Variants in PYGL observed in about 807,000 individuals in gnomAD.
PYGL encodes the protein glycogen phosphorylase L, also known as glycogen phosphorylase, liver form.
A neutral mutation model predicts 100.1 loss-of-function variants in PYGL; 90 were observed. That is an observed-to-expected ratio of 0.90 (90% confidence interval 0.76 to 1.07). The LOEUF (loss-of-function observed/expected upper bound fraction) is 1.07. Ranked by LOEUF, PYGL falls within the 50% of genes least tolerant of loss-of-function variation. The pLI is 0.00. For missense variants in PYGL, 1,016 were observed against 1,057.6 expected (o/e 0.96, Z 0.55); for synonymous variants, 373 against 393.0 (o/e 0.95, Z 0.60).
intron 4 of PYGL, among the ~76,000 whole-genome samples, chr14:50,924,487 C>A (rs1350584691): frequency 6.6e-6 from 1 of 152,144 alleles, no homozygotes; most frequent in Non-Finnish European, 1.5e-5. Context: ...AGACAGACGC[C>A]TTACAGGGAT....
At chr14:50,934,978 A>G (rs961649196) in intron 3 of PYGL, 129 bp downstream of exon 3, 12 of 827,562 alleles carry the variant, frequency 1.5e-5, no homozygotes, top group Non-Finnish European at 2.0e-5. Context: ...GAACAAATAC[A>G]TCTACAACCA....
chr14:50,933,735 A>G (rs142552882), intron 3 of PYGL, among the ~76,000 whole-genome samples: 4 of 152,198 alleles, frequency 2.6e-5, no homozygotes, highest in African/African-American at 9.6e-5. Flanking sequence ...ACATATTCAC[A>G]TTATATACAT....
intron 2 of PYGL, among the ~76,000 whole-genome samples, chr14:50,937,071 T>G (rs1406343832): frequency 6.6e-6 from 1 of 152,212 alleles, no homozygotes; most frequent in Non-Finnish European, 1.5e-5. Flanking sequence ...ATGAAAAGTT[T>G]GAACAGTCTC....
Position 50,937,835 on chromosome 14 carries a change from C to T in PYGL, c.246G>A (p.Arg82=). The part of the protein sequence containing the change: ...QQHYYDKCPK[R]VYYLSLEFYM... ...AAAATTCCAGAGAGAGGTAATATAC[C>T]CTCTGAAATAAAGAAAAGAGAGATA... Residue 82 remains arginine (R), a splice_region_variant and synonymous_variant, in exon 2 of 20, where the codon AGG becomes AGA. Coordinates refer to ENST00000216392, the MANE Select transcript of PYGL (RefSeq NM_002863.5). The T allele has an allele frequency of 6.2e-7, 1 of 1,605,672 alleles. No homozygotes were observed. Among genetic ancestry groups the T allele is most frequent in the Non-Finnish European group, 8.5e-7 (1 of 1,172,452 alleles).
chr14:50,926,752 A>G (rs868759872), intron 4 of PYGL, among the ~76,000 whole-genome samples: 17 of 145,004 alleles, frequency 1.2e-4, no homozygotes, highest in South Asian at 4.4e-4. Context: ...AAAAAAAAAA[A>G]AGAAAAAGTC....
intron 3 of PYGL, 63 bp downstream of exon 3, chr14:50,935,044 T>G: frequency 6.9e-7 from 1 of 1,446,634 alleles, no homozygotes; most frequent in South Asian, 1.1e-5. Context: ...AGCATGGTCA[T>G]GCATGGCATC....
intron 19 of PYGL, 68 bp downstream of exon 19, chr14:50,908,203 T>TA (rs2050352985): frequency 1.1e-5 from 15 of 1,351,568 alleles, no homozygotes; most frequent in Non-Finnish European, 1.6e-5. Flanking sequence ...TGCATTTAAT[T>TA]AAAAAACCCA....
chr14:50,939,638 C>T (rs1370472912), intron 1 of PYGL, among the ~76,000 whole-genome samples: 1 of 151,164 alleles, frequency 6.6e-6, no homozygotes, highest in Non-Finnish European at 1.5e-5. Flanking sequence ...ATATCTTATT[C>T]TCCAATCATC....
chr14:50,930,954 C>G (rs1487289044), intron 4 of PYGL, among the ~76,000 whole-genome samples: 1 of 152,056 alleles, frequency 6.6e-6, no homozygotes, highest in African/African-American at 2.4e-5. Flanking sequence ...ACCTAACAAT[C>G]TGGTTTGATT....
intron 4 of PYGL, among the ~76,000 whole-genome samples, chr14:50,931,019 A>G (rs1316959778): frequency 1.3e-5 from 2 of 152,336 alleles, no homozygotes; most frequent in African/African-American, 4.8e-5. Context: ...TCTATGGGGC[A>G]GTGTAATTAT....
chr14:50,929,338 C>T (rs117172592), intron 4 of PYGL, among the ~76,000 whole-genome samples: 2,046 of 152,334 alleles, frequency 0.013, 14 homozygotes, highest in Non-Finnish European at 0.018. Flanking sequence ...CAGGCGTGAG[C>T]CACTGCACCT....
chr14:50,908,158 AATGGGGATCTGATATTAC>A (rs2050352557), intron 19 of PYGL, 95 bp downstream of exon 19: 13 of 728,634 alleles, frequency 1.8e-5, no homozygotes, highest in East Asian at 5.7e-5. Context: ...TTGATTGCTT[AATGGGGATCTGATATTAC>A]ATGGGGATCT....
chr14:50,938,362 C>T (rs912084627), intron 1 of PYGL, among the ~76,000 whole-genome samples: 1 of 149,834 alleles, frequency 6.7e-6, no homozygotes, highest in Non-Finnish European at 1.5e-5. Flanking sequence ...AGGCATGCGC[C>T]ACCATGCCCA....
chr14:50,916,686 G>A lies in PYGL; in HGVS notation c.1048C>T (p.Leu350=). ...DTHPALAIPE[L]MRIFVDIEKL... ...TCAATATCCACAAAAATCCTCATCA[G>A]CTCAGGGATCGCGAGTGCAGGGTGA... The change falls in exon 9 of 20, where the codon CTG becomes TTG. Residue 350 remains leucine (L), a synonymous_variant. Coordinates refer to ENST00000216392, the MANE Select transcript of PYGL (RefSeq NM_002863.5). 1 of 1,614,194 alleles carries A rather than the reference G, an allele frequency of 6.2e-7. No homozygotes were observed. Among genetic ancestry groups the A allele is most frequent in the South Asian group, 1.1e-5 (1 of 91,086 alleles).
At chr14:50,905,641 C>T (rs1267799867) in intron 19 of PYGL, 85 bp from the exon 20 acceptor site, 2 of 1,293,276 alleles carry the variant, frequency 1.5e-6, no homozygotes, top group African/African-American at 2.9e-5. Flanking sequence ...CATCCAAACA[C>T]ATTTCATGAG....
chr14:50,915,260 T>G (rs1326691076), intron 11 of PYGL, 76 bp downstream of exon 11: 2 of 1,557,560 alleles, frequency 1.3e-6, no homozygotes, highest in Non-Finnish European at 1.8e-6. Flanking sequence ...CATCCCTAAG[T>G]GCAACCCTGC....
Position 50,915,904 on chromosome 14 carries a change from C to A in PYGL, c.1160G>T (p.Arg387Leu), listed in dbSNP as rs765731108. ...NHTVLPEALE[R>L]WPVDLVEKLL... is the part of the protein sequence containing the mutation. ...CTTCTCCACCAGGTCCACGGGCCAG[C>A]GCTCCAGGGCTTCCGGGAGCACTGT... Residue 387 changes from arginine to leucine, a missense_variant, in exon 10 of 20, where the codon CGC becomes CTC. Transcript: ENST00000216392. 2 of 1,614,174 alleles carry A rather than the reference C, an allele frequency of 1.2e-6. No homozygotes were observed. The highest frequency in any genetic ancestry group is 3.3e-5 in the Admixed American group (2 of 60,032).
intron 1 of PYGL, among the ~76,000 whole-genome samples, chr14:50,943,668 T>TA (rs1417186283): frequency 2.0e-5 from 3 of 152,312 alleles, no homozygotes; most frequent in South Asian, 2.1e-4. Flanking sequence ...GCCTGAGACT[T>TA]ACGACCTTTT....
Position 50,944,398 on chromosome 14 carries a change from C to T in PYGL, c.6G>A (p.Ala2=). Residue 2 remains alanine, a synonymous_variant, in exon 1 of 20, where the codon GCG becomes GCA. Coordinates refer to ENST00000216392, the MANE Select transcript of PYGL (RefSeq NM_002863.5). ...GCTTCTCCTGGTCCGTCAGGGGCTT[C>T]GCCATGGCTGGGGCGGCGGGCTGCG... is the stretch of plus-strand genomic sequence containing the variant. The part of the protein sequence containing the change: M[A]KPLTDQEKRR... 1 of 1,610,712 alleles carries T rather than the reference C, an allele frequency of 6.2e-7. No homozygotes were observed. Among genetic ancestry groups the T allele is most frequent in the East Asian group, 2.2e-5 (1 of 44,814 alleles).
Sources: allele counts gnomAD v4.1 joint callset (sites outside exome capture counted in the v4.1 genomes callset), GRCh38; gene constraint gnomAD v4.1.1; transcripts MANE v1.5; gene names NCBI Gene and HGNC (gene_info 2026-07-23, HGNC 2026-07-21).